The following NDUFA8 variants were observed in gnomAD, a reference collection of about 807,000 sequenced individuals.
The protein encoded by NDUFA8 is NADH dehydrogenase [ubiquinone] 1 alpha subcomplex subunit 8.
A neutral mutation model predicts 20.9 loss-of-function variants in NDUFA8; 16 were observed. The ratio of observed to expected loss-of-function variants is 0.77; its 90% CI spans 0.52 to 1.16. NDUFA8 has a LOEUF of 1.16. Among genes scored for constraint, NDUFA8 ranks in the 50% most tolerant of loss-of-function variants. The pLI, the probability that NDUFA8 is intolerant of heterozygous loss-of-function variation, is 0.00. For synonymous variants in NDUFA8, 70 were observed against 76.1 expected (o/e 0.92, Z 0.41); for missense variants, 202 against 216.4 (o/e 0.93, Z 0.42).
At chr9:122,152,430 A>C in intron 1 of NDUFA8, 22 bp from the exon 2 acceptor site, 1 of 1,613,446 alleles carries the variant, frequency 6.2e-7, no homozygotes, top group Non-Finnish European at 8.5e-7. Context: ...AAGATGGGAC[A>C]AAGGCCACAG....
At chr9:122,157,434 A>G (rs763956792) in intron 1 of NDUFA8, among the ~76,000 whole-genome samples, 3 of 152,224 alleles carry the variant, frequency 2.0e-5, no homozygotes, top group African/African-American at 7.2e-5. Context: ...TACAACTTCA[A>G]ATCTTTTCCT....
chr9:122,147,123 A>G (rs1828915935), intron 3 of NDUFA8, among the ~76,000 whole-genome samples: 1 of 152,198 alleles, frequency 6.6e-6, no homozygotes, highest in Non-Finnish European at 1.5e-5. Flanking sequence ...TTAATCCTCA[A>G]TTCTTCAATT....
At chr9:122,134,546 T>C in the NDUFA8 span, among the ~76,000 whole-genome samples, 1 of 152,174 alleles carries the variant, frequency 6.6e-6, no homozygotes, top group African/African-American at 2.4e-5. Context: ...CACCATGGCC[T>C]TCTACAGGCC....
At chr9:122,148,415 TACAAG>T in intron 2 of NDUFA8, 138 bp from the exon 3 acceptor site, 1 of 974,190 alleles carries the variant, frequency 1.0e-6, no homozygotes, top group South Asian at 1.4e-5. Flanking sequence ...TTATCTCACT[TACAAG>T]ACAACTTCAG....
chr9:122,142,526 A>G (rs73666014), downstream of NDUFA8, among the ~76,000 whole-genome samples: 20,787 of 152,194 alleles, frequency 0.14, 2,731 homozygotes, highest in African/African-American at 0.35. Context: ...AGAACCACGC[A>G]TGGCTTTGAA....
chr9:122,145,918 G>C (rs923194078), intron 3 of NDUFA8, among the ~76,000 whole-genome samples: 5 of 152,186 alleles, frequency 3.3e-5, no homozygotes, highest in African/African-American at 4.8e-5. Flanking sequence ...GGGAGGCTGA[G>C]GCAGGTGGAT....
chr9:122,150,180 T>C lies in NDUFA8; in HGVS notation c.216-1903A>G, dbSNP rs1486640691. 2.6e-5 allele frequency among the ~76,000 whole-genome samples: 4 copies of C among 151,978 alleles called. No homozygotes were observed. In the East Asian group the frequency reaches 5.8e-4, roughly 22 times the overall value. ...GCTCACGCTTGTAATCCCAGCACTTTGGGAGGCCAAGGCAGGTGGATCACG... is the reference window on the plus strand; with the variant it reads ...GCTCACGCTTGTAATCCCAGCACTTCGGGAGGCCAAGGCAGGTGGATCACG... On this transcript the variant is annotated intron_variant, in intron 2 of 3. Coordinates refer to ENST00000373768, the MANE Select transcript of NDUFA8 (RefSeq NM_014222.3).
chr9:122,146,878 AGAGT>A (rs1380124157), intron 3 of NDUFA8, among the ~76,000 whole-genome samples: 2 of 152,166 alleles, frequency 1.3e-5, no homozygotes, highest in African/African-American at 4.8e-5. Flanking sequence ...CCTAGGAGAG[AGAGT>A]AAGACCTGAG....
At chr9:122,139,328 C>T (rs1320574589), downstream of NDUFA8, among the ~76,000 whole-genome samples, 1 of 141,348 alleles carries the variant, frequency 7.1e-6, no homozygotes, top group Non-Finnish European at 1.6e-5. Flanking sequence ...CCTTCTGTGG[C>T]CTGTCTTCTT....
the NDUFA8 span, among the ~76,000 whole-genome samples, chr9:122,136,903 T>C: frequency 6.6e-6 from 1 of 152,162 alleles, no homozygotes; most frequent in Non-Finnish European, 1.5e-5. Flanking sequence ...ACTTTCTGCT[T>C]CGGTTCTGTC....
intron 2 of NDUFA8, among the ~76,000 whole-genome samples, chr9:122,150,794 A>G (rs1189241704): frequency 6.6e-6 from 1 of 151,788 alleles, no homozygotes. Context: ...ACATGCTGAA[A>G]CCCCATCTCT....
chr9:122,146,047 G>A (rs1400498644), intron 3 of NDUFA8, among the ~76,000 whole-genome samples: 1 of 152,146 alleles, frequency 6.6e-6, no homozygotes, highest in African/African-American at 2.4e-5. Flanking sequence ...TACTCAAGAG[G>A]CTGAGGCAGA....
Position 122,159,558 on chromosome 9 carries a change from G to C in NDUFA8, c.51+69C>G, listed in dbSNP as rs112228080. The C allele has an allele frequency of 4.5e-3, 7,223 of 1,589,170 alleles. 234 individuals carry two copies. In the African/African-American group the frequency reaches 0.079, roughly 17 times the overall value. ...GGTCCCAGGATCCGCGGAGCCCAAG[G>C]GGGGCTAGGCCCAGGCCCGAGAAGC... On this transcript the variant is annotated intron_variant, in intron 1 of 3. Transcript: ENST00000373768.
At chr9:122,154,902 C>T (rs1179944702) in intron 1 of NDUFA8, among the ~76,000 whole-genome samples, 2 of 152,084 alleles carry the variant, frequency 1.3e-5, no homozygotes, top group African/African-American at 4.8e-5. Flanking sequence ...TTTTAGGCTT[C>T]GTTTTCATTA....
intron 1 of NDUFA8, among the ~76,000 whole-genome samples, chr9:122,153,505 C>T (rs1211582200): frequency 1.3e-5 from 2 of 151,892 alleles, no homozygotes; most frequent in African/African-American, 4.8e-5. Flanking sequence ...CTATGCCCAC[C>T]AGTTTTGCTC....
rs1027587407 is a variant in NDUFA8 at position 122,144,481 on chromosome 9, C to T, written c.382-103G>A. 8 of 1,067,606 alleles carry T rather than the reference C, an allele frequency of 7.5e-6. No individual in the cohort carries two copies. The African/African-American group carries it at 9.3e-5, about 12-fold the overall frequency. The allele number at this position is 1,067,606 out of a possible 1,614,324, so 66.1% of individuals were successfully genotyped here. ...TGTCTCCTCATTGCTCCCGCTGCTA[C>T]AACTGCTCCCCGACTTAAATTCCCA... On this transcript the variant is annotated intron_variant, in intron 3 of 3. Transcript: ENST00000373768.
chr9:122,157,077 C>A (rs1315817727), intron 1 of NDUFA8, among the ~76,000 whole-genome samples: 3 of 152,208 alleles, frequency 2.0e-5, no homozygotes, highest in Admixed American at 6.5e-5. Flanking sequence ...TGGACCCAAA[C>A]TATCTTTCCA....
chr9:122,159,609 T>C lies in NDUFA8; in HGVS notation c.51+18A>G. ...CGCAGCCCCATGTCTCCCTTGCCTG[T>C]CCTCCGGATAGCCTCACCTCATCTA... On this transcript the variant is annotated intron_variant, in intron 1 of 3. Transcript: ENST00000373768. 3 of 1,614,060 alleles carry C rather than the reference T, an allele frequency of 1.9e-6. No homozygotes were observed. In the East Asian group the frequency reaches 6.7e-5, roughly 36 times the overall value.
chr9:122,146,790 G>C (rs958968489), intron 3 of NDUFA8, among the ~76,000 whole-genome samples: 1 of 152,204 alleles, frequency 6.6e-6, no homozygotes, highest in Non-Finnish European at 1.5e-5. Flanking sequence ...CAGCTACTTG[G>C]GAGGCTGAGG....
Sources: allele counts gnomAD v4.1 joint callset (sites outside exome capture counted in the v4.1 genomes callset), GRCh38; gene constraint gnomAD v4.1.1; transcripts MANE v1.5; gene names NCBI Gene and HGNC (gene_info 2026-07-23, HGNC 2026-07-21).